Variants in PLCB4 observed in about 807,000 individuals in gnomAD.
PLCB4 encodes phospholipase C beta 4, also known as 1-phosphatidylinositol 4,5-bisphosphate phosphodiesterase beta-4.
Under a neutral mutation model 178.8 loss-of-function variants are expected in PLCB4, and 77 were observed. The ratio of observed to expected loss-of-function variants is 0.43; its 90% CI spans 0.36 to 0.52. The LOEUF is 0.52. Ranked by LOEUF, PLCB4 falls within the 20% of genes least tolerant of loss-of-function variation. The pLI, the probability that PLCB4 is intolerant of heterozygous loss-of-function variation, is 0.00. For missense variants in PLCB4, 1,024 were observed against 1,453.4 expected (o/e 0.70, Z 4.80); for synonymous variants, 496 against 490.8 (o/e 1.01, Z -0.14).
intron 3 of PLCB4, among the ~76,000 whole-genome samples, chr20:9,304,048 G>A (rs926068202): frequency 9.3e-5 from 14 of 150,026 alleles, no homozygotes; most frequent in African/African-American, 3.4e-4. Flanking sequence ...CTAAGTACTT[G>A]CCAAATATAT....
intron 2 of PLCB4, among the ~76,000 whole-genome samples, chr20:9,174,692 A>C (rs6086799): frequency 0.2 from 30,564 of 151,960 alleles, 3,123 homozygotes; most frequent in African/African-American, 0.24. Context: ...CTTGTTAATC[A>C]CTAGTCCTTC....
At chr20:9,294,434 C>T (rs1264378179) in intron 3 of PLCB4, among the ~76,000 whole-genome samples, 1 of 152,070 alleles carries the variant, frequency 6.6e-6, no homozygotes, top group Non-Finnish European at 1.5e-5. Context: ...TTCAGGCTCT[C>T]AGTATCTACT....
intron 2 of PLCB4, among the ~76,000 whole-genome samples, chr20:9,207,538 A>G (rs543186598): frequency 2.0e-5 from 3 of 152,200 alleles, no homozygotes; most frequent in Non-Finnish European, 4.4e-5. Context: ...TACAACTGCT[A>G]AGCATGGTTT....
chr20:9,267,808 A>G (rs533713123), intron 3 of PLCB4, among the ~76,000 whole-genome samples: 9 of 152,174 alleles, frequency 5.9e-5, no homozygotes, highest in African/African-American at 2.2e-4. Context: ...TGCCCTCATG[A>G]TAGATTTATT....
At chr20:9,151,394 A>G (rs767253209) in intron 2 of PLCB4, among the ~76,000 whole-genome samples, 2 of 152,090 alleles carry the variant, frequency 1.3e-5, no homozygotes, top group Non-Finnish European at 2.9e-5. Flanking sequence ...TCTCAACTAA[A>G]TTTTATCACC....
chr20:9,137,953 C>T (rs2092416656), intron 2 of PLCB4, among the ~76,000 whole-genome samples: 1 of 151,946 alleles, frequency 6.6e-6, no homozygotes, highest in South Asian at 2.1e-4. Flanking sequence ...AATAGAAGCC[C>T]AAACAAATAC....
At chr20:9,315,109 G>A (rs2094884413) in intron 4 of PLCB4, among the ~76,000 whole-genome samples, 1 of 152,084 alleles carries the variant, frequency 6.6e-6, no homozygotes, top group African/African-American at 2.4e-5. Flanking sequence ...ACACAGAAAG[G>A]TTTGAGGAAA....
chr20:9,343,619 C>T (rs1049395311), intron 7 of PLCB4, among the ~76,000 whole-genome samples: 1 of 152,214 alleles, frequency 6.6e-6, no homozygotes, highest in African/African-American at 2.4e-5. Context: ...TTCAGCTTCT[C>T]TCTCTGCTTT....
At chr20:9,429,296 C>A (rs566397001) in intron 28 of PLCB4, among the ~76,000 whole-genome samples, 1 of 152,220 alleles carries the variant, frequency 6.6e-6, no homozygotes, top group Admixed American at 6.5e-5. Flanking sequence ...GTGGCTCCCC[C>A]CAGCAAGGCC....
chr20:9,347,611 C>T (rs554379891), intron 7 of PLCB4, among the ~76,000 whole-genome samples: 30 of 152,238 alleles, frequency 2.0e-4, no homozygotes, highest in African/African-American at 6.7e-4. Flanking sequence ...TTATATTAAT[C>T]TTTTTAATCC....
At chr20:9,116,385 T>C (rs1007255204) in intron 2 of PLCB4, among the ~76,000 whole-genome samples, 1 of 152,174 alleles carries the variant, frequency 6.6e-6, no homozygotes, top group African/African-American at 2.4e-5. Flanking sequence ...ATTGTGCATG[T>C]ACATAGATAC....
chr20:9,149,827 T>TTCTCAAA (rs1417230879), intron 2 of PLCB4, among the ~76,000 whole-genome samples: 2 of 152,222 alleles, frequency 1.3e-5, no homozygotes, highest in East Asian at 3.9e-4. Flanking sequence ...GGTTTGTTTA[T>TTCTCAAA]TCTCAAATAC....
At chr20:9,416,456 A>G (rs2148542344) in intron 25 of PLCB4, among the ~76,000 whole-genome samples, 1 of 152,248 alleles carries the variant, frequency 6.6e-6, no homozygotes, top group East Asian at 1.9e-4. Context: ...CTGGGGTCCA[A>G]ATGCTGCCTG....
chr20:9,259,851 A>G (rs1374599417), intron 3 of PLCB4, among the ~76,000 whole-genome samples: 3 of 152,146 alleles, frequency 2.0e-5, no homozygotes, highest in African/African-American at 4.8e-5. Flanking sequence ...TATTGATTAC[A>G]TGAATTGATA....
intron 2 of PLCB4, among the ~76,000 whole-genome samples, chr20:9,127,031 C>A (rs1165700985): frequency 6.6e-6 from 1 of 152,120 alleles, no homozygotes; most frequent in Non-Finnish European, 1.5e-5. Flanking sequence ...TGTATTTCCT[C>A]ATTTTAAAGC....
intron 2 of PLCB4, among the ~76,000 whole-genome samples, chr20:9,129,477 C>T (rs912718482): frequency 2.6e-5 from 4 of 152,124 alleles, no homozygotes; most frequent in African/African-American, 9.7e-5. Context: ...CCTCAGTCAC[C>T]TTGTGTTTCC....
intron 3 of PLCB4, among the ~76,000 whole-genome samples, chr20:9,299,231 C>G (rs974293192): frequency 6.6e-6 from 1 of 151,932 alleles, no homozygotes; most frequent in Admixed American, 6.6e-5. Flanking sequence ...AAAACATAGA[C>G]ATTATTTTAA....
chr20:9,145,794 G>C (rs2146899035), intron 2 of PLCB4, among the ~76,000 whole-genome samples: 1 of 152,128 alleles, frequency 6.6e-6, no homozygotes, highest in Admixed American at 6.6e-5. Context: ...CATTTACAGT[G>C]GGAAAATGTT....
At chr20:9,429,076 G>A (rs184802489) in intron 28 of PLCB4, among the ~76,000 whole-genome samples, 1 of 152,144 alleles carries the variant, frequency 6.6e-6, no homozygotes, top group Non-Finnish European at 1.5e-5. Flanking sequence ...GAAATAGATG[G>A]TGTTTTTAAA....
Sources: gnomAD v4.1 joint callset for allele counts (sites outside exome capture counted in the v4.1 genomes callset) on GRCh38, gnomAD v4.1.1 for gene constraint, MANE v1.5 for transcripts, NCBI Gene and HGNC (gene_info 2026-07-23, HGNC 2026-07-21) for gene names.